Variants in MAPK6 observed in about 807,000 individuals in gnomAD.
MAPK6 encodes mitogen-activated protein kinase 6, also known as ERK-3.
A neutral mutation model predicts 59.3 loss-of-function variants in MAPK6; 19 were observed. The observed-to-expected ratio is 0.32, with a 90% CI of 0.22 to 0.47. The LOEUF (loss-of-function observed/expected upper bound fraction) is 0.47, where lower values mean the gene tolerates loss of function less well. Among genes scored for constraint, MAPK6 ranks in the 20% least tolerant of loss-of-function variants. The pLI is 1.00. For missense variants in MAPK6, 724 were observed against 847.9 expected, an observed-to-expected ratio of 0.85 and a Z score of 1.81; for synonymous variants, 316 against 290.3, an observed-to-expected ratio of 1.09 and a Z score of -0.90.
At chr15:51,998,348 G>C (rs972662753) in intron 2 of MAPK6, among the ~76,000 whole-genome samples, 1 of 151,900 alleles carries the variant, frequency 6.6e-6, no homozygotes, top group Non-Finnish European at 1.5e-5. Flanking sequence ...GGGATTACAG[G>C]CGCCCACCAC....
chr15:52,049,843 C>A, intron 2 of MAPK6, 150 bp from the exon 3 acceptor site: 1 of 658,698 alleles, frequency 1.5e-6, no homozygotes, highest in Non-Finnish European at 2.6e-6. Context: ...GAACTCCCGA[C>A]CTTGGGTGAT....
At chr15:52,024,493 TG>T (rs2141855943) in intron 1 of MAPK6, 1 of 151,662 alleles carries the variant, frequency 6.6e-6, no homozygotes, top group Non-Finnish European at 1.5e-5. Context: ...CTCCGCCTCC[TG>T]GGTTCACGCC....
At chr15:52,025,252 A>G (rs2141858277) in intron 1 of MAPK6, among the ~76,000 whole-genome samples, 1 of 152,240 alleles carries the variant, frequency 6.6e-6, no homozygotes, top group South Asian at 2.1e-4. Flanking sequence ...AAAAATACGT[A>G]AATAAATAAA....
chr15:51,972,298 C>T (rs1225087431), intron 1 of MAPK6, among the ~76,000 whole-genome samples: 1 of 151,994 alleles, frequency 6.6e-6, no homozygotes, highest in African/African-American at 2.4e-5. Context: ...GCCACCACAC[C>T]CGGCTAATTT....
intron 2 of MAPK6, among the ~76,000 whole-genome samples, chr15:51,994,367 A>G (rs1047125857): frequency 6.6e-6 from 1 of 152,108 alleles, no homozygotes; most frequent in African/African-American, 2.4e-5. Flanking sequence ...CTCATACCAG[A>G]GGCTGAGACA....
intron 2 of MAPK6, among the ~76,000 whole-genome samples, chr15:52,048,295 G>A (rs867610946): frequency 6.6e-5 from 10 of 151,942 alleles, no homozygotes; most frequent in African/African-American, 2.2e-4. Context: ...GATTACAGGC[G>A]CCCGCCACCA....
intron 1 of MAPK6, among the ~76,000 whole-genome samples, chr15:52,040,511 C>G (rs1256466343): frequency 1.3e-5 from 2 of 152,022 alleles, no homozygotes; most frequent in East Asian, 3.8e-4. Context: ...ATGTTTATGG[C>G]CCTTACTTCA....
At chr15:51,993,601 GAAAT>G (rs1399493455) in intron 2 of MAPK6, among the ~76,000 whole-genome samples, 4 of 151,970 alleles carry the variant, frequency 2.6e-5, no homozygotes, top group Non-Finnish European at 4.4e-5. Flanking sequence ...GATGGATGTA[GAAAT>G]AAATATAGAT....
intron 1 of MAPK6, among the ~76,000 whole-genome samples, chr15:52,025,205 C>T (rs957039980): frequency 6.6e-6 from 1 of 152,046 alleles, no homozygotes; most frequent in Non-Finnish European, 1.5e-5. Context: ...CGCACCGCAG[C>T]GTTCCAGCCT....
chr15:52,019,721 C>T (rs1374301040), intron 1 of MAPK6, among the ~76,000 whole-genome samples: 5 of 150,914 alleles, frequency 3.3e-5, no homozygotes, highest in East Asian at 1.9e-4. Context: ...GCGCCCGCTC[C>T]CTGGCCCCGC....
chr15:51,990,568 T>C (rs1206748936), intron 2 of MAPK6, among the ~76,000 whole-genome samples: 1 of 151,880 alleles, frequency 6.6e-6, no homozygotes, highest in African/African-American at 2.4e-5. Context: ...GTAATCCCAG[T>C]GCTTTCGGAG....
At chr15:52,062,625 C>T (rs777645602) in intron 5 of MAPK6, among the ~76,000 whole-genome samples, 6 of 152,068 alleles carry the variant, frequency 3.9e-5, no homozygotes, top group African/African-American at 1.4e-4. Context: ...ATAAGCCAGG[C>T]TTGATGGCGG....
At position 52,064,233 on chromosome 15, in the gene MAPK6, T is replaced by A; in HGVS notation, c.1399T>A (p.Tyr467Asn). 3.1e-6 allele frequency: 5 copies of A among 1,611,510 alleles called. No individual in the cohort carries two copies. Among genetic ancestry groups the A allele is most frequent in the Non-Finnish European group, 4.2e-6 (5 of 1,179,596 alleles). Residue 467 changes from tyrosine (Y) to asparagine (N), a missense_variant, in exon 6 of 6, where the codon TAC becomes AAC. Tyr to Asn is a moderately radical substitution (Grantham distance 143). This residue lies in a region of MAPK6 where 502 missense variants were observed against 507.6 expected (regional missense o/e 0.99). Transcript: ENST00000261845. The stretch of plus-strand genomic sequence containing the variant: ...TTGGAGAGAGAGTGAAGTTAACCAT[T>A]ACTATGAACCCAAGCTTATTATAGA... ...LVWRESEVNH[Y>N]YEPKLIIDLS...
At chr15:52,025,142 G>A (rs751560) in intron 1 of MAPK6, among the ~76,000 whole-genome samples, 3,492 of 152,222 alleles carry the variant, frequency 0.023, 95 homozygotes, top group East Asian at 0.076. Context: ...TTATGAGGCT[G>A]AGATGAGAGG....
upstream of MAPK6, among the ~76,000 whole-genome samples, chr15:52,015,478 G>A (rs1175320757): frequency 2.7e-5 from 4 of 148,584 alleles, no homozygotes; most frequent in African/African-American, 1.0e-4. Flanking sequence ...CACAGAATGG[G>A]ATTTTTTTTT....
intron 3 of MAPK6, among the ~76,000 whole-genome samples, chr15:52,054,749 C>CACACACATACACATACAT (rs764393160): frequency 2.0e-5 from 3 of 149,936 alleles, no homozygotes; most frequent in African/African-American, 7.5e-5. Flanking sequence ...CACACACACA[C>CACACACATACACATACAT]ATATACACAT....
chr15:52,064,836 T>A lies in MAPK6; in HGVS notation c.2002T>A (p.Phe668Ile), dbSNP rs200110762. The A allele has an allele frequency of 5.3e-5, 85 of 1,611,204 alleles. No individual in the cohort carries two copies. Among genetic ancestry groups the A allele is most frequent in the Non-Finnish European group, 6.3e-5 (74 of 1,179,664 alleles). The change falls in exon 6 of 6, where the codon TTC (phenylalanine) becomes ATC (isoleucine). Residue 668 changes from phenylalanine (F) to isoleucine (I), a missense_variant. Coordinates refer to ENST00000261845, the MANE Select transcript of MAPK6 (RefSeq NM_002748.4). ...AGGATTTCTGAACAACAGTGGGGAG[T>A]TCCTCTTTAACAAGCAGCTCGAGTC... ...EEGFLNNSGEFLFNKQLESIG... is the reference protein window; with the variant it reads ...EEGFLNNSGEILFNKQLESIG...
intron 1 of MAPK6, among the ~76,000 whole-genome samples, chr15:52,035,278 G>A (rs1170704411): frequency 1.3e-5 from 2 of 152,200 alleles, no homozygotes; most frequent in Admixed American, 1.3e-4. Context: ...GAACATGGTA[G>A]AGGCTCTTTT....
intron 2 of MAPK6, among the ~76,000 whole-genome samples, chr15:51,990,838 C>T (rs933881829): frequency 1.3e-5 from 2 of 152,146 alleles, no homozygotes; most frequent in Admixed American, 6.5e-5. Flanking sequence ...CCTGTAGTCC[C>T]GGCTACTCGG....
Sources: allele counts gnomAD v4.1 joint callset (sites outside exome capture counted in the v4.1 genomes callset), GRCh38; gene constraint gnomAD v4.1.1; regional missense constraint gnomAD v4.1.1; transcripts MANE v1.5; gene names NCBI Gene and HGNC (gene_info 2026-07-23, HGNC 2026-07-21).